KALRN: variants seen among roughly 807,000 people sequenced by gnomAD.
KALRN encodes the protein kalirin RhoGEF kinase, also known as kalirin.
Under a neutral mutation model 353.7 loss-of-function variants are expected in KALRN, and 70 were observed. The observed-to-expected ratio is 0.20, with a 90% CI of 0.16 to 0.24. KALRN has a LOEUF of 0.24. KALRN is among the 10% of genes least tolerant of loss of function. The pLI is 1.00. For missense variants in KALRN, 2,791 were observed against 3,756.7 expected, an observed-to-expected ratio of 0.74 and a Z score of 6.72; for synonymous variants, 1,391 against 1,434.8, an observed-to-expected ratio of 0.97 and a Z score of 0.69.
chr3:124,207,193 T>C (rs1022740149), intron 1 of KALRN, among the ~76,000 whole-genome samples: 4 of 152,178 alleles, frequency 2.6e-5, no homozygotes, highest in Non-Finnish European at 4.4e-5. Context: ...TGGTTCCACA[T>C]TACTGGGCCA....
chr3:124,671,563 C>A, intron 47 of KALRN, 97 bp from the exon 48 acceptor site: 2 of 772,082 alleles, frequency 2.6e-6, no homozygotes, highest in Non-Finnish European at 4.5e-6. Flanking sequence ...TCTCACTTAT[C>A]CACACGATGC....
At chr3:124,062,553 C>T (rs1374867325) in intron 1 of KALRN, among the ~76,000 whole-genome samples, 1 of 86,346 alleles carries the variant, frequency 1.2e-5, no homozygotes, top group Admixed American at 1.5e-4. Context: ...GGGGACAGGT[C>T]CTAGAAATCC....
At chr3:124,199,061 A>G (rs1380714760) in intron 1 of KALRN, among the ~76,000 whole-genome samples, 2 of 152,256 alleles carry the variant, frequency 1.3e-5, no homozygotes, top group African/African-American at 4.8e-5. Flanking sequence ...GAAAGGCCTG[A>G]AAGGCTAGAG....
At position 124,463,290 on chromosome 3, in the gene KALRN, A is replaced by G. The variant is rs566961719; in HGVS notation, c.4031+657A>G. Among the ~76,000 whole-genome samples, 110 of 152,360 alleles carry G rather than the reference A, an allele frequency of 7.2e-4. 1 individual carries two copies. The highest frequency in any genetic ancestry group is 2.6e-3 in the African/African-American group (107 of 41,588). Reference sequence around the variant, plus strand: ...AAATAACTGTGTTTCCAAAATACAAATAGAATCTCAAGACACAAAGAAGAA... The same window carrying G: ...AAATAACTGTGTTTCCAAAATACAAGTAGAATCTCAAGACACAAAGAAGAA... On this transcript the variant is annotated intron_variant, in intron 25 of 59. Coordinates refer to ENST00000682506, the MANE Select transcript of KALRN (RefSeq NM_001388419.1).
At chr3:124,257,246 T>C (rs2072148470) in intron 3 of KALRN, among the ~76,000 whole-genome samples, 1 of 152,226 alleles carries the variant, frequency 6.6e-6, no homozygotes, top group Non-Finnish European at 1.5e-5. Context: ...TTTTTATCAT[T>C]AAACTCTCAA....
chr3:124,709,787 C>A (rs1209081726), intron 57 of KALRN, among the ~76,000 whole-genome samples: 1 of 151,942 alleles, frequency 6.6e-6, no homozygotes, highest in Non-Finnish European at 1.5e-5. Context: ...TAAGATATTC[C>A]CAGAATGAAA....
chr3:124,313,581 A>C lies in KALRN; in HGVS notation c.1093-12399A>C, dbSNP rs571540874. ...CATTAAACTAGACCCAAAGGAGAGA[A>C]GGGTGTGCTTTGAATTCAACTCTGG... is the stretch of plus-strand genomic sequence containing the variant. On this transcript the variant is annotated intron_variant, in intron 6 of 59. Transcript: ENST00000682506. Among the ~76,000 whole-genome samples the C allele has an allele frequency of 3.3e-5, 5 of 152,316 alleles. No homozygotes were observed. The East Asian group carries it at 9.6e-4, about 29-fold the overall frequency.
intron 25 of KALRN, among the ~76,000 whole-genome samples, chr3:124,468,548 C>T (rs1207736000): frequency 2.6e-5 from 4 of 152,210 alleles, no homozygotes; most frequent in African/African-American, 4.8e-5. Context: ...GCTTCTTCCC[C>T]CACTCCAAAT....
intron 10 of KALRN, among the ~76,000 whole-genome samples, chr3:124,370,030 GA>G (rs2085618310): frequency 6.6e-6 from 1 of 151,968 alleles, no homozygotes; most frequent in Non-Finnish European, 1.5e-5. Context: ...ACAGCACTTT[GA>G]AAAGTTTATG....
intron 1 of KALRN, among the ~76,000 whole-genome samples, chr3:124,141,628 A>T (rs1481668037): frequency 5.3e-5 from 8 of 152,178 alleles, no homozygotes; most frequent in African/African-American, 1.7e-4. Flanking sequence ...TTCACATTTT[A>T]TCTCCTTGGT....
intron 1 of KALRN, among the ~76,000 whole-genome samples, chr3:124,138,042 T>C (rs550144215): frequency 5.6e-4 from 85 of 152,212 alleles, no homozygotes; most frequent in Admixed American, 9.8e-4. Flanking sequence ...GGATCCCCAG[T>C]GGCCCCCAGC....
At chr3:124,624,030 A>G (rs779306209) in intron 34 of KALRN, among the ~76,000 whole-genome samples, 36 of 152,240 alleles carry the variant, frequency 2.4e-4, no homozygotes, top group Non-Finnish European at 4.0e-4. Context: ...AGGTCTGAAA[A>G]TATTAAATGA....
Position 124,618,086 on chromosome 3 carries a change from C to CT in KALRN, c.5183-14294dup, listed in dbSNP as rs71145464. On this transcript the variant is annotated intron_variant, in intron 34 of 59. Transcript: ENST00000682506. ...GGAAAGAAAATACCAGTGCAGAAAT[C>CT]TTTTTTTTTTTTTTTTTTTTTTTTT... Among the ~76,000 whole-genome samples the CT allele has an allele frequency of 6.6e-3, 420 of 63,354 alleles. 98 individuals are homozygous for CT. The highest frequency in any genetic ancestry group is 9.7e-3 in the Non-Finnish European group (349 of 36,066). The allele number at this position is 63,354 out of a possible 152,430, so 41.6% of individuals were successfully genotyped here.
At chr3:124,143,706 A>G (rs772119628) in intron 1 of KALRN, among the ~76,000 whole-genome samples, 4 of 152,224 alleles carry the variant, frequency 2.6e-5, no homozygotes, top group Non-Finnish European at 5.9e-5. Context: ...AATGCCATCT[A>G]TACATAGACA....
chr3:124,706,577 T>TC (rs903355325), intron 57 of KALRN, among the ~76,000 whole-genome samples: 1 of 82,530 alleles, frequency 1.2e-5, no homozygotes, highest in Non-Finnish European at 2.2e-5. Flanking sequence ...TTCTTTTTCT[T>TC]TTTTTTTTTT....
intron 34 of KALRN, among the ~76,000 whole-genome samples, chr3:124,607,621 C>A (rs1052073229): frequency 6.6e-6 from 1 of 152,128 alleles, no homozygotes; most frequent in African/African-American, 2.4e-5. Context: ...ATCCTAGAGA[C>A]CTTGACTTTA....
At chr3:124,293,145 G>A (rs915153169) in intron 5 of KALRN, among the ~76,000 whole-genome samples, 6 of 152,322 alleles carry the variant, frequency 3.9e-5, no homozygotes, top group Admixed American at 6.5e-5. Flanking sequence ...CCACTGTAGT[G>A]TACACAGGGT....
At chr3:124,300,358 T>C (rs1349372761) in intron 6 of KALRN, among the ~76,000 whole-genome samples, 2 of 152,160 alleles carry the variant, frequency 1.3e-5, no homozygotes, top group East Asian at 3.9e-4. Context: ...CAGAGGTTTG[T>C]TTATTGTTCC....
chr3:124,249,156 A>G (rs987224873), intron 3 of KALRN, among the ~76,000 whole-genome samples: 2 of 152,234 alleles, frequency 1.3e-5, no homozygotes, highest in Non-Finnish European at 2.9e-5. Context: ...TAGTTCTTAC[A>G]TACACACAAA....
Sources: allele counts gnomAD v4.1 joint callset (sites outside exome capture counted in the v4.1 genomes callset), GRCh38; gene constraint gnomAD v4.1.1; transcripts MANE v1.5; gene names NCBI Gene and HGNC (gene_info 2026-07-23, HGNC 2026-07-21).